SDK2: variants seen among roughly 807,000 people sequenced by gnomAD.
SDK2 encodes the protein protein sidekick-2.
In SDK2, 105 loss-of-function variants were observed where a neutral mutation model predicts 253.9. The ratio of observed to expected loss-of-function variants is 0.41; its 90% CI spans 0.35 to 0.49. The LOEUF is 0.49. Among genes scored for constraint, SDK2 ranks in the 20% least tolerant of loss-of-function variants. SDK2 has a pLI of 0.06. For missense variants in SDK2, 2,608 were observed against 3,003.0 expected, an observed-to-expected ratio of 0.87 and a Z score of 3.07; for synonymous variants, 1,249 against 1,234.9, an observed-to-expected ratio of 1.01 and a Z score of -0.24.
chr17:73,545,985 T>A (rs775466186), intron 1 of SDK2, among the ~76,000 whole-genome samples: 2 of 151,856 alleles, frequency 1.3e-5, no homozygotes, highest in Non-Finnish European at 2.9e-5. Context: ...GGGACTCAGA[T>A]GAGGCCAATC....
chr17:73,472,998 C>T (rs965928879), intron 2 of SDK2, among the ~76,000 whole-genome samples: 32 of 152,314 alleles, frequency 2.1e-4, no homozygotes, highest in Middle Eastern at 3.4e-3. Flanking sequence ...CTCTTTCTTT[C>T]GTAAATTGCC....
chr17:73,510,724 C>T (rs2063973545), intron 1 of SDK2, among the ~76,000 whole-genome samples: 1 of 152,110 alleles, frequency 6.6e-6, no homozygotes, highest in African/African-American at 2.4e-5. Context: ...GAACTCCTGA[C>T]CTCAAATGAT....
chr17:73,551,221 C>T (rs1490491776), intron 1 of SDK2, among the ~76,000 whole-genome samples: 1 of 152,190 alleles, frequency 6.6e-6, no homozygotes, highest in African/African-American at 2.4e-5. Flanking sequence ...GTGATGGCGG[C>T]CGGCTCCCCA....
At chr17:73,491,150 G>A (rs1342887561) in intron 2 of SDK2, among the ~76,000 whole-genome samples, 2 of 152,158 alleles carry the variant, frequency 1.3e-5, no homozygotes, top group Non-Finnish European at 2.9e-5. Flanking sequence ...AGAGTTAGCT[G>A]TTGCCATTAT....
At chr17:73,428,229 A>T (rs1053210106) in intron 12 of SDK2, among the ~76,000 whole-genome samples, 1 of 151,836 alleles carries the variant, frequency 6.6e-6, no homozygotes, top group South Asian at 2.1e-4. Flanking sequence ...GGCTGAGCTA[A>T]TTTTTTTTGT....
At chr17:73,422,558 G>A (rs2063241585) in intron 14 of SDK2, 124 bp from the exon 15 acceptor site, 1 of 1,100,214 alleles carries the variant, frequency 9.1e-7, no homozygotes, top group Non-Finnish European at 1.3e-6. Context: ...CCCCAGCTTG[G>A]TGCAGGAGTG....
rs540906752 is a variant in SDK2, at chr17:73,515,092, G to C, written c.65-7495C>G. Reference sequence around the variant, plus strand: ...TTTACATTCATCATCTTAGTTAAGAGGCCTGAGTTCATCTCAAGGAAACCA... The same window carrying C: ...TTTACATTCATCATCTTAGTTAAGACGCCTGAGTTCATCTCAAGGAAACCA... On this transcript the variant is annotated intron_variant, in intron 1 of 44. Coordinates refer to ENST00000392650, the MANE Select transcript of SDK2 (RefSeq NM_001144952.2). 3.3e-5 allele frequency among the ~76,000 whole-genome samples: 5 copies of C among 152,288 alleles called. No homozygotes were observed. The East Asian group carries it at 7.7e-4, about 24-fold the overall frequency.
Position 73,643,957 on chromosome 17 carries a change from T to TGCCCCCCCCCCCCCCCCCCCCCCA in SDK2, c.64+67_64+68insTGGGGGGGGGGGGGGGGGGGGGGC. On this transcript the variant is annotated intron_variant, in intron 1 of 44. Coordinates refer to ENST00000392650, the MANE Select transcript of SDK2 (RefSeq NM_001144952.2). This position sits in a 1 kb window ranked among gnomAD's most constrained non-coding sequence, Gnocchi z 6.9. ...GGAGGTCACCGTGAGGCCGGCCAGC[T>TGCCCCCCCCCCCCCCCCCCCCCCA]CCCGCCGCCCCTCCCCCGCCCACTC... 4 of 1,019,996 alleles carry TGCCCCCCCCCCCCCCCCCCCCCCA rather than the reference T, an allele frequency of 3.9e-6. No homozygotes were observed. Among genetic ancestry groups the TGCCCCCCCCCCCCCCCCCCCCCCA allele is most frequent in the Non-Finnish European group, 5.9e-6 (4 of 674,882 alleles). 63.2% of individuals were successfully genotyped at this position (1,019,996 alleles called of 1,614,324 possible). A position where few individuals can be genotyped will look rare whatever the true frequency, so the allele number is the denominator to read the frequency against.
At chr17:73,585,776 A>G (rs2045595505) in intron 1 of SDK2, among the ~76,000 whole-genome samples, 1 of 152,202 alleles carries the variant, frequency 6.6e-6, no homozygotes, top group African/African-American at 2.4e-5. Context: ...GAAGGGACTT[A>G]GGAGCCAGCA....
chr17:73,449,159 G>A (rs1273129001), intron 4 of SDK2, among the ~76,000 whole-genome samples: 4 of 152,160 alleles, frequency 2.6e-5, no homozygotes, highest in Admixed American at 6.5e-5. Flanking sequence ...CAAGCAGGAA[G>A]CTGGAGGCTC....
chr17:73,642,187 G>C lies in SDK2; in HGVS notation c.64+1838C>G, dbSNP rs1047060059. Among the ~76,000 whole-genome samples the C allele has an allele frequency of 6.6e-6, 1 of 152,198 alleles. No individual in the cohort carries two copies. The highest frequency in any genetic ancestry group is 1.5e-5 in the Non-Finnish European group (1 of 68,036). ...TCTTGGCCTCAAGTGGATGGCACAG[G>C]TGTGGACGTGGGGCAGGAAGGGACA... On this transcript the variant is annotated intron_variant, in intron 1 of 44. Transcript: ENST00000392650. This position sits in a 1 kb window ranked among gnomAD's most constrained non-coding sequence, Gnocchi z 4.7.
intron 44 of SDK2, among the ~76,000 whole-genome samples, chr17:73,342,910 T>C (rs1477207414): frequency 7.1e-6 from 1 of 140,062 alleles, no homozygotes; most frequent in Non-Finnish European, 1.5e-5. Flanking sequence ...TGGGCCTGGG[T>C]GGGAAAGGGA....
intron 5 of SDK2, among the ~76,000 whole-genome samples, chr17:73,441,253 C>T (rs1406134456): frequency 1.3e-5 from 2 of 151,944 alleles, no homozygotes; most frequent in Non-Finnish European, 2.9e-5. Context: ...TCCCTCTGCC[C>T]GGGTTGACCT....
intron 1 of SDK2, among the ~76,000 whole-genome samples, chr17:73,508,734 G>A (rs1369533012): frequency 6.6e-6 from 1 of 152,196 alleles, no homozygotes; most frequent in East Asian, 1.9e-4. Context: ...AACTGGGCGG[G>A]AGGTGCTCAG....
In SDK2 at chr17:73,423,516, C is replaced by A; in HGVS notation, c.1767G>T (p.Leu589=). 6.4e-7 allele frequency: 1 copy of A among 1,556,178 alleles called. No homozygotes were observed. Among genetic ancestry groups the A allele is most frequent in the Non-Finnish European group, 8.7e-7 (1 of 1,148,318 alleles). ...CCACTGGGTGCTCGGGCGCGTGGGG[C>A]AGTTGCCTGGAAAAGAGACACGTGG... ...SRSAHLRVRQ[L]PHAPEHPVAT... Residue 589 remains leucine, a synonymous_variant, in exon 14 of 45, where the codon CTG becomes CTT. Coordinates refer to ENST00000392650, the MANE Select transcript of SDK2 (RefSeq NM_001144952.2).
intron 40 of SDK2, 70 bp downstream of exon 40, chr17:73,358,009 C>A (rs138950824): frequency 6.2e-7 from 1 of 1,605,524 alleles, no homozygotes; most frequent in African/African-American, 1.3e-5. Context: ...GCAAGTGCCC[C>A]AAGTGGAGGG....
chr17:73,390,596 G>T, intron 28 of SDK2, 115 bp from the exon 29 acceptor site: 1 of 1,103,196 alleles, frequency 9.1e-7, no homozygotes, highest in Non-Finnish European at 1.3e-6. Context: ...CCACCTTGCC[G>T]TGGTCCCTTT....
intron 3 of SDK2, among the ~76,000 whole-genome samples, chr17:73,470,785 G>C (rs759458913): frequency 2.0e-5 from 3 of 152,346 alleles, no homozygotes; most frequent in East Asian, 3.9e-4. Context: ...GCTCCCATGA[G>C]CTCCATATGA....
chr17:73,422,059 C>T (rs939175307), intron 15 of SDK2, among the ~76,000 whole-genome samples: 2 of 152,160 alleles, frequency 1.3e-5, no homozygotes, highest in African/African-American at 4.8e-5. Flanking sequence ...GGGATGACTA[C>T]ATTTGGTTGG....
Sources: allele counts gnomAD v4.1 joint callset (sites outside exome capture counted in the v4.1 genomes callset), GRCh38; gene constraint gnomAD v4.1.1; non-coding constraint Gnocchi (gnomAD v3.1); transcripts MANE v1.5; gene names NCBI Gene and HGNC (gene_info 2026-07-23, HGNC 2026-07-21).